Variants in PUS10 observed in about 807,000 individuals in gnomAD.
The protein encoded by PUS10 is tRNA pseudouridine synthase Pus10.
A neutral mutation model predicts 75.0 loss-of-function variants in PUS10; 59 were observed. That is an observed-to-expected ratio of 0.79 (90% CI 0.64 to 0.98). The LOEUF (loss-of-function observed/expected upper bound fraction) is 0.98. Ranked by LOEUF, PUS10 falls within the 50% of genes least tolerant of loss-of-function variation. The pLI is 0.00. For missense variants in PUS10, 650 were observed against 614.4 expected (o/e 1.06, Z -0.61); for synonymous variants, 219 against 211.6 (o/e 1.03, Z -0.30).
intron 10 of PUS10, among the ~76,000 whole-genome samples, chr2:60,960,842 A>AT (rs1408683598): frequency 0.012 from 932 of 76,976 alleles, 8 homozygotes; most frequent in African/African-American, 0.054. Context: ...TATACCAAGG[A>AT]TAAAAAAAAA....
chr2:61,002,878 C>T (rs965084320), intron 4 of PUS10, among the ~76,000 whole-genome samples: 2 of 152,168 alleles, frequency 1.3e-5, no homozygotes, highest in South Asian at 2.1e-4. Context: ...ATATTGTTCT[C>T]TTGTGAAACC....
intron 8 of PUS10, among the ~76,000 whole-genome samples, chr2:60,964,785 C>T (rs1011586226): frequency 1.3e-5 from 2 of 152,164 alleles, no homozygotes; most frequent in Non-Finnish European, 2.9e-5. Flanking sequence ...AGTAACATCA[C>T]TGAAACACTG....
chr2:61,017,933 G>A (rs1680122069), intron 1 of PUS10, 75 bp downstream of exon 1: 3 of 1,423,834 alleles, frequency 2.1e-6, no homozygotes, highest in Admixed American at 4.0e-5. Flanking sequence ...GGTTGTTAGT[G>A]GAGGTATTCC....
At chr2:60,998,262 T>C (rs146486793) in intron 4 of PUS10, among the ~76,000 whole-genome samples, 99 of 152,344 alleles carry the variant, frequency 6.5e-4, no homozygotes, top group African/African-American at 2.2e-3. Flanking sequence ...ATTTTTAGTA[T>C]GTGCATTTTT....
chr2:60,958,678 G>A (rs1675827128), intron 11 of PUS10, among the ~76,000 whole-genome samples: 1 of 152,168 alleles, frequency 6.6e-6, no homozygotes, highest in Non-Finnish European at 1.5e-5. Context: ...GAGCTCGGGA[G>A]TTTGAGACTA....
intron 2 of PUS10, 134 bp downstream of exon 2, chr2:61,011,627 ATCAC>A (rs916901523): frequency 2.6e-5 from 15 of 588,000 alleles, no homozygotes; most frequent in African/African-American, 2.3e-4. Context: ...AATTATGAAT[ATCAC>A]TCATTTTATT....
intron 4 of PUS10, among the ~76,000 whole-genome samples, chr2:60,983,036 G>C (rs2104505963): frequency 6.6e-6 from 1 of 152,202 alleles, no homozygotes; most frequent in Admixed American, 6.5e-5. Context: ...TGGGACTACA[G>C]GCATGCACCA....
At chr2:61,011,131 T>C (rs1245294754) in intron 2 of PUS10, among the ~76,000 whole-genome samples, 1 of 152,234 alleles carries the variant, frequency 6.6e-6, no homozygotes, top group Non-Finnish European at 1.5e-5. Context: ...TATTTACATA[T>C]GTATTACTAT....
chr2:60,984,374 C>T (rs2104514783), intron 4 of PUS10, among the ~76,000 whole-genome samples: 1 of 152,160 alleles, frequency 6.6e-6, no homozygotes, highest in East Asian at 1.9e-4. Context: ...CAAGTGTGAA[C>T]TAAAACAAGA....
intron 4 of PUS10, among the ~76,000 whole-genome samples, chr2:61,003,288 C>A (rs1177226): frequency 6.6e-6 from 1 of 151,750 alleles, no homozygotes; most frequent in Non-Finnish European, 1.5e-5. Flanking sequence ...ATGGTGAAAC[C>A]GCGTCTCTAC....
chr2:60,986,615 G>A (rs999645353), intron 4 of PUS10, among the ~76,000 whole-genome samples: 2 of 152,170 alleles, frequency 1.3e-5, no homozygotes, highest in Non-Finnish European at 2.9e-5. Flanking sequence ...TGATATTTAA[G>A]TCTTTCTAAA....
chr2:60,998,229 A>T (rs1245786328), intron 4 of PUS10, among the ~76,000 whole-genome samples: 1 of 152,234 alleles, frequency 6.6e-6, no homozygotes, highest in Non-Finnish European at 1.5e-5. Context: ...AGAGTTTAAG[A>T]GGCCTCTGTA....
chr2:60,960,983 A>G (rs539821207), intron 10 of PUS10, among the ~76,000 whole-genome samples: 1 of 152,342 alleles, frequency 6.6e-6, no homozygotes, highest in South Asian at 2.1e-4. Flanking sequence ...AGCTATTACT[A>G]TAAAACAGTT....
intron 4 of PUS10, among the ~76,000 whole-genome samples, chr2:60,993,914 C>T (rs1484568214): frequency 2.6e-5 from 4 of 151,920 alleles, no homozygotes; most frequent in Admixed American, 6.6e-5. Flanking sequence ...CTCAGCCTCC[C>T]GAGTAGCTGG....
At chr2:60,984,135 A>C (rs1677578143) in intron 4 of PUS10, among the ~76,000 whole-genome samples, 1 of 152,182 alleles carries the variant, frequency 6.6e-6, no homozygotes, top group South Asian at 2.1e-4. Context: ...TCCTAGATGA[A>C]AAGTTCCATA....
intron 4 of PUS10, among the ~76,000 whole-genome samples, chr2:61,004,284 A>G (rs1258219671): frequency 6.6e-6 from 1 of 152,220 alleles, no homozygotes; most frequent in African/African-American, 2.4e-5. Context: ...CCTGGCTTGC[A>G]CAGCATATCT....
In PUS10 at chr2:60,947,280, T is replaced by C. The variant is rs182784693; in HGVS notation, c.1451+763A>G. Among the ~76,000 whole-genome samples, 16 of 152,268 alleles carry C rather than the reference T, an allele frequency of 1.1e-4. No individual in the cohort carries two copies. In the East Asian group the frequency reaches 1.5e-3, roughly 15 times the overall value. On this transcript the variant is annotated intron_variant, in intron 16 of 17. Transcript: ENST00000316752. ...CTGTTGTACTAGGCCAGTGGCCAAGTAAAGATCCTGATGTAAAGTAGTGCT... is the reference window on the plus strand; with the variant it reads ...CTGTTGTACTAGGCCAGTGGCCAAGCAAAGATCCTGATGTAAAGTAGTGCT...
chr2:61,010,136 TTAATA>T lies in PUS10; in HGVS notation c.127-1126_127-1122del, dbSNP rs763071819. ...ACGAAAGTTGATAACACTCAGTCTCTTAATATAATATAAATTTAAAACCTAATAAC... is the reference window on the plus strand; with the variant it reads ...ACGAAAGTTGATAACACTCAGTCTCTTAATATAAATTTAAAACCTAATAAC... On this transcript the variant is annotated intron_variant, in intron 2 of 17. Coordinates refer to ENST00000316752, the MANE Select transcript of PUS10 (RefSeq NM_144709.4). 4.6e-5 allele frequency: 7 copies of T among 152,278 alleles called. No individual in the cohort carries two copies. The South Asian group carries it at 6.2e-4, about 14-fold the overall frequency. 9.4% of individuals were successfully genotyped at this position (152,278 alleles called of 1,614,324 possible).
At chr2:60,983,025 C>G (rs1416472604) in intron 4 of PUS10, among the ~76,000 whole-genome samples, 1 of 152,052 alleles carries the variant, frequency 6.6e-6, no homozygotes. Flanking sequence ...TCTTGAGTAG[C>G]TGGGACTACA....
Sources: allele counts gnomAD v4.1 joint callset (sites outside exome capture counted in the v4.1 genomes callset), GRCh38; gene constraint gnomAD v4.1.1; transcripts MANE v1.5; gene names NCBI Gene and HGNC (gene_info 2026-07-23, HGNC 2026-07-21).